TFEB: variants seen among roughly 807,000 people sequenced by gnomAD.
TFEB encodes the protein T-cell transcription factor EB.
In TFEB, 12 loss-of-function variants were observed where a neutral mutation model predicts 48.0. That is an observed-to-expected ratio of 0.25 (90% confidence interval 0.16 to 0.40). TFEB has a LOEUF of 0.40. Among genes scored for constraint, TFEB ranks in the 10% least tolerant of loss-of-function variants. TFEB has a pLI of 1.00. For missense variants in TFEB, 509 were observed against 640.3 expected (o/e 0.79, Z 2.21); for synonymous variants, 244 against 261.4 (o/e 0.93, Z 0.64).
chr6:41,714,098 T>TGTGTGTGTGCACGTGTGTGTGTGC (rs1561866536), intron 1 of TFEB, among the ~76,000 whole-genome samples: 6 of 150,526 alleles, frequency 4.0e-5, no homozygotes, highest in Non-Finnish European at 8.9e-5. Flanking sequence ...TGTGTGTGCG[T>TGTGTGTGTGCACGTGTGTGTGTGC]GTGTGTGTGC....
intron 1 of TFEB, among the ~76,000 whole-genome samples, chr6:41,698,331 A>C (rs1769718228): frequency 6.6e-6 from 1 of 152,114 alleles, no homozygotes; most frequent in Non-Finnish European, 1.5e-5. Flanking sequence ...GAGGGCGGCC[A>C]CGTTTTGTTT....
intron 1 of TFEB, among the ~76,000 whole-genome samples, chr6:41,713,993 A>G (rs936784128): frequency 6.6e-6 from 1 of 152,208 alleles, no homozygotes; most frequent in Non-Finnish European, 1.5e-5. Context: ...TGTAGGCCCC[A>G]AACAGTGCTG....
At chr6:41,702,500 T>A (rs1769988887) in intron 1 of TFEB, among the ~76,000 whole-genome samples, 1 of 152,062 alleles carries the variant, frequency 6.6e-6, no homozygotes, top group Non-Finnish European at 1.5e-5. Flanking sequence ...CTGAGGGCGA[T>A]AGAGGGGTTT....
At position 41,687,077 on chromosome 6, in the gene TFEB, C is replaced by T; in HGVS notation, c.803+17G>A. On this transcript the variant is annotated intron_variant, in intron 7 of 8. Coordinates refer to ENST00000373033, the MANE Select transcript of TFEB (RefSeq NM_001271944.2). ...CCCACCCAGACCCATCACCCTCCCC[C>T]TCAGAAACCTGCTCACAGGTCATTG... 1 of 1,613,880 alleles carries T rather than the reference C, an allele frequency of 6.2e-7. No homozygotes were observed. The highest frequency in any genetic ancestry group is 8.5e-7 in the Non-Finnish European group (1 of 1,179,732).
In TFEB at chr6:41,691,817, C is replaced by G. The variant is rs1769333522; in HGVS notation, c.-22-582G>C. On this transcript the variant is annotated intron_variant, in intron 1 of 8. Transcript: ENST00000373033. This position sits in a 1 kb window ranked among gnomAD's most constrained non-coding sequence, Gnocchi z 5.2. The stretch of plus-strand genomic sequence containing the variant: ...AGTCCTTACCATGACTGGAAAGGCC[C>G]CCTAGGATCTGGCCCACCTCGTGTT... Among the ~76,000 whole-genome samples the G allele has an allele frequency of 1.3e-5, 2 of 152,070 alleles. No individual in the cohort carries two copies. Among genetic ancestry groups the G allele is most frequent in the Non-Finnish European group, 2.9e-5 (2 of 67,954 alleles).
At chr6:41,731,512 C>T (rs534514829) in intron 1 of TFEB, among the ~76,000 whole-genome samples, 4 of 152,204 alleles carry the variant, frequency 2.6e-5, no homozygotes, top group South Asian at 4.2e-4. Flanking sequence ...TTTTCTTCCT[C>T]CCCGGTGCCT....
At chr6:41,722,275 T>C (rs977046049) in intron 1 of TFEB, among the ~76,000 whole-genome samples, 7 of 152,240 alleles carry the variant, frequency 4.6e-5, no homozygotes, top group Non-Finnish European at 1.0e-4. Context: ...CCACCGCACC[T>C]GGCTCCATTC....
chr6:41,736,190 C>T (rs773711632), upstream of TFEB: 1 of 1,612,888 alleles, frequency 6.2e-7, no homozygotes, highest in Admixed American at 1.7e-5. Flanking sequence ...ATTGTCTGAG[C>T]TCCTTTCATG....
intron 8 of TFEB, 87 bp from the exon 9 acceptor site, chr6:41,685,165 T>C (rs1768934300): frequency 7.4e-7 from 1 of 1,353,682 alleles, no homozygotes; most frequent in Non-Finnish European, 9.5e-7. Flanking sequence ...TCACAGCACT[T>C]GCCCCTGCCC....
chr6:41,719,141 T>C (rs1214988038), intron 1 of TFEB, among the ~76,000 whole-genome samples: 1 of 152,298 alleles, frequency 6.6e-6, no homozygotes, highest in African/African-American at 2.4e-5. Flanking sequence ...GCATTGTGCA[T>C]GTGAGGGATC....
chr6:41,728,081 C>T, intron 1 of TFEB, among the ~76,000 whole-genome samples: 1 of 152,224 alleles, frequency 6.6e-6, no homozygotes, highest in Non-Finnish European at 1.5e-5. Flanking sequence ...GGAGAATGCT[C>T]TTCAGGGCAA....
intron 1 of TFEB, among the ~76,000 whole-genome samples, chr6:41,722,940 G>A (rs1379230709): frequency 6.6e-6 from 1 of 152,190 alleles, no homozygotes; most frequent in Non-Finnish European, 1.5e-5. Flanking sequence ...TGTTACAGAT[G>A]AGGAAGCAGA....
chr6:41,719,523 A>G (rs1484203375), intron 1 of TFEB, among the ~76,000 whole-genome samples: 1 of 152,164 alleles, frequency 6.6e-6, no homozygotes, highest in Admixed American at 6.5e-5. Context: ...TGAGAGGAGC[A>G]AGGAAGGGGT....
chr6:41,736,207 T>C (rs368968750), upstream of TFEB: 334 of 1,612,766 alleles, frequency 2.1e-4, 3 homozygotes, highest in South Asian at 3.3e-3. Flanking sequence ...CATGTCACCT[T>C]CCCTTGTTGG....
chr6:41,685,198 G>C, intron 8 of TFEB, 120 bp from the exon 9 acceptor site: 1 of 1,244,786 alleles, frequency 8.0e-7, no homozygotes, highest in South Asian at 2.6e-5. Flanking sequence ...GACCCAAAGT[G>C]TTTCCGCTGG....
chr6:41,712,672 C>T (rs1352786958), intron 1 of TFEB, among the ~76,000 whole-genome samples: 4 of 152,198 alleles, frequency 2.6e-5, no homozygotes, highest in Admixed American at 6.5e-5. Context: ...GAGGAGCTGA[C>T]GGAGCCACTG....
chr6:41,726,538 G>A (rs182969240), intron 1 of TFEB, among the ~76,000 whole-genome samples: 313 of 152,126 alleles, frequency 2.1e-3, no homozygotes, highest in African/African-American at 7.3e-3. Flanking sequence ...CCACCTCCCA[G>A]GTTCAAGCGA....
intron 6 of TFEB, 141 bp from the exon 7 acceptor site, chr6:41,687,310 C>T: frequency 1.3e-6 from 1 of 745,678 alleles, no homozygotes; most frequent in Non-Finnish European, 2.3e-6. Flanking sequence ...AAGAGGTGAC[C>T]AACAGATTGG....
chr6:41,688,302 T>G (rs904440039), intron 4 of TFEB: 1 of 396,704 alleles, frequency 2.5e-6, no homozygotes, highest in Admixed American at 3.9e-5. Context: ...CCAGGCATTA[T>G]GGAAGCCCTA....
Sources: allele counts gnomAD v4.1 joint callset (sites outside exome capture counted in the v4.1 genomes callset), GRCh38; gene constraint gnomAD v4.1.1; non-coding constraint Gnocchi (gnomAD v3.1); transcripts MANE v1.5; gene names NCBI Gene and HGNC (gene_info 2026-07-23, HGNC 2026-07-21).